The following OSBP2 variants were observed in gnomAD, a reference collection of about 807,000 sequenced individuals.
OSBP2 encodes the protein oxysterol-binding protein 2.
Under a neutral mutation model 96.0 loss-of-function variants are expected in OSBP2, and 66 were observed. The ratio of observed to expected loss-of-function variants is 0.69; its 90% confidence interval spans 0.56 to 0.84. The LOEUF (loss-of-function observed/expected upper bound fraction) is 0.84, where lower values mean the gene tolerates loss of function less well. Among genes scored for constraint, OSBP2 ranks in the 40% least tolerant of loss-of-function variants. The probability of loss-of-function intolerance (pLI) is 0.00; values close to 1 mark genes in which losing one functional copy is unlikely to be tolerated. For synonymous variants in OSBP2, 525 were observed against 520.9 expected (o/e 1.01, Z -0.11); for missense variants, 1,038 against 1,222.7 (o/e 0.85, Z 2.25).
intron 2 of OSBP2, among the ~76,000 whole-genome samples, chr22:30,808,430 T>A (rs2090960626): frequency 6.6e-6 from 1 of 151,984 alleles, no homozygotes. Context: ...ACACTTGAGC[T>A]CAGGAGGTGA....
chr22:30,881,613 C>A lies in OSBP2; in HGVS notation c.1108-5813C>A. On this transcript the variant is annotated intron_variant, in intron 3 of 13. Transcript: ENST00000332585. The surrounding 1 kb of genome is among the most constrained non-coding windows in gnomAD (Gnocchi z 4.5). Reference sequence around the variant, plus strand: ...TCCCTGGGCCCCTGGGAACCTCCCCCTGCCAGTCCCTCTGCCGGGCCCCAA... The same window carrying A: ...TCCCTGGGCCCCTGGGAACCTCCCCATGCCAGTCCCTCTGCCGGGCCCCAA... 5 of 1,284,682 alleles carry A rather than the reference C, an allele frequency of 3.9e-6. No individual in the cohort carries two copies. The East Asian group carries it at 1.7e-4, about 44-fold the overall frequency. The allele number at this position is 1,284,682 out of a possible 1,614,324, so 79.6% of individuals were successfully genotyped here.
chr22:30,802,766 G>C (rs1464581847), intron 2 of OSBP2, among the ~76,000 whole-genome samples: 1 of 152,256 alleles, frequency 6.6e-6, no homozygotes. Context: ...TCCGAGCAGT[G>C]CTCCAGGGGG....
At chr22:30,896,498 CTG>C (rs1474469215) in intron 12 of OSBP2, among the ~76,000 whole-genome samples, 2 of 151,996 alleles carry the variant, frequency 1.3e-5, no homozygotes, top group African/African-American at 2.4e-5. Context: ...ATTTATAAGA[CTG>C]TTAAAATGGT....
At chr22:30,723,059 G>A (rs2089579951) in intron 1 of OSBP2, among the ~76,000 whole-genome samples, 2 of 151,954 alleles carry the variant, frequency 1.3e-5, no homozygotes, top group Admixed American at 6.6e-5. Context: ...GTGTTGCTGG[G>A]ATTACAGGCA....
intron 1 of OSBP2, among the ~76,000 whole-genome samples, chr22:30,740,519 A>T (rs909067360): frequency 1.3e-5 from 2 of 152,216 alleles, no homozygotes; most frequent in African/African-American, 4.8e-5. Flanking sequence ...TCTTTGTTTA[A>T]ACTATAAACT....
In OSBP2 at chr22:30,700,775, T is replaced by G. The variant is rs148965665; in HGVS notation, c.644+5222T>G. ...AGGTCTATAAGGTAGATAGCTGCAG[T>G]CAAGTGAGAACAAATTTTGAAAGTC... On this transcript the variant is annotated intron_variant, in intron 1 of 13. Transcript: ENST00000332585. Among the ~76,000 whole-genome samples, 607 of 152,048 alleles carry G rather than the reference T, an allele frequency of 4.0e-3. 5 individuals are homozygous for G. Among genetic ancestry groups the G allele is most frequent in the African/African-American group, 0.014 (588 of 41,484 alleles).
Position 30,695,268 on chromosome 22 carries a change from C to T in OSBP2, c.359C>T (p.Thr120Ile). Reference protein sequence around the residue: ...SSSGVGAGPFTKAASEPLSRA... With the variant: ...SSSGVGAGPFIKAASEPLSRA... ...TCAGGTGTAGGGGCTGGGCCCTTCACTAAGGCCGCATCGGAGCCGCTCTCC... is the reference window on the plus strand; with the variant it reads ...TCAGGTGTAGGGGCTGGGCCCTTCATTAAGGCCGCATCGGAGCCGCTCTCC... The change falls in exon 1 of 14, where the codon ACT becomes ATT. Residue 120 changes from threonine to isoleucine, a missense_variant. Physicochemically the swap from Thr to Ile is moderately conservative, Grantham distance 89. Transcript: ENST00000332585. 6.2e-7 allele frequency: 1 copy of T among 1,613,456 alleles called. No individual in the cohort carries two copies. The highest frequency in any genetic ancestry group is 2.2e-5 in the East Asian group (1 of 44,864).
intron 2 of OSBP2, among the ~76,000 whole-genome samples, chr22:30,757,708 G>A (rs2090158968): frequency 1.3e-5 from 2 of 152,048 alleles, no homozygotes; most frequent in Admixed American, 1.3e-4. Context: ...ATGAGCCACT[G>A]CACCCAGCCT....
intron 2 of OSBP2, among the ~76,000 whole-genome samples, chr22:30,857,931 CAG>C (rs1315465913): frequency 1.3e-5 from 2 of 152,192 alleles, no homozygotes; most frequent in Admixed American, 6.5e-5. Flanking sequence ...CCCAGCCTGT[CAG>C]TAAATGTCGC....
intron 3 of OSBP2, among the ~76,000 whole-genome samples, chr22:30,887,076 C>G (rs940444180): frequency 6.6e-6 from 1 of 152,130 alleles, no homozygotes; most frequent in Non-Finnish European, 1.5e-5. Flanking sequence ...CCTTTTTAGA[C>G]CATAGAGGAT....
chr22:30,732,851 C>G (rs2089799659), intron 1 of OSBP2, among the ~76,000 whole-genome samples: 1 of 152,202 alleles, frequency 6.6e-6, no homozygotes, highest in Admixed American at 6.5e-5. Flanking sequence ...GGCTCGCTGC[C>G]CCCTAGTGCA....
chr22:30,829,003 G>A (rs115970215), intron 2 of OSBP2, among the ~76,000 whole-genome samples: 10 of 152,132 alleles, frequency 6.6e-5, no homozygotes, highest in East Asian at 5.8e-4. Flanking sequence ...AGCCCTGTGC[G>A]CTTGTGGCTG....
chr22:30,846,811 T>C (rs1271627180), intron 2 of OSBP2, among the ~76,000 whole-genome samples: 1 of 152,212 alleles, frequency 6.6e-6, no homozygotes, highest in African/African-American at 2.4e-5. Flanking sequence ...TTAATATGTG[T>C]TATACTTTTT....
chr22:30,885,924 G>A (rs1003136363), intron 3 of OSBP2, among the ~76,000 whole-genome samples: 4 of 152,372 alleles, frequency 2.6e-5, no homozygotes, highest in African/African-American at 9.6e-5. Context: ...CTCTGAGAAG[G>A]CCAGGGTTCC....
intron 12 of OSBP2, among the ~76,000 whole-genome samples, chr22:30,903,295 G>A (rs538272578): frequency 6.6e-6 from 1 of 152,224 alleles, no homozygotes; most frequent in African/African-American, 2.4e-5. Flanking sequence ...ACTGCACCTT[G>A]TTGGTATTCA....
At chr22:30,782,883 G>C (rs959979237) in intron 2 of OSBP2, among the ~76,000 whole-genome samples, 1 of 152,154 alleles carries the variant, frequency 6.6e-6, no homozygotes, top group Non-Finnish European at 1.5e-5. Flanking sequence ...CCCATAAGCA[G>C]TGTGACAATG....
intron 12 of OSBP2, chr22:30,902,708 T>C (rs1402999737): frequency 2.0e-6 from 1 of 502,336 alleles, no homozygotes; most frequent in Non-Finnish European, 3.8e-6. Flanking sequence ...CTCAATGAAG[T>C]AGCCGATCCC....
rs996770794 is a variant in OSBP2 at position 30,871,648 on chromosome 22, G to A, written c.1107+966G>A. 6.6e-6 allele frequency among the ~76,000 whole-genome samples: 1 copy of A among 151,766 alleles called. No homozygotes were observed. The highest frequency in any genetic ancestry group is 6.6e-5 in the Admixed American group (1 of 15,208). Reference sequence around the variant, plus strand: ...GACAGTGGGCAGTGCTGGTGCCTGGGTGACCTCCAGCTGGGGGACCCAGCC... The same window carrying A: ...GACAGTGGGCAGTGCTGGTGCCTGGATGACCTCCAGCTGGGGGACCCAGCC... On this transcript the variant is annotated intron_variant, in intron 3 of 13. Transcript: ENST00000332585. The surrounding 1 kb of genome is among the most constrained non-coding windows in gnomAD (Gnocchi z 4.7).
chr22:30,781,142 A>ATTT (rs136305), intron 2 of OSBP2, among the ~76,000 whole-genome samples: 2 of 133,682 alleles, frequency 1.5e-5, no homozygotes, highest in African/African-American at 2.8e-5. Context: ...TGCCTGGCTA[A>ATTT]TTTTTTTTTT....
Sources: gnomAD v4.1 joint callset for allele counts (sites outside exome capture counted in the v4.1 genomes callset) on GRCh38, gnomAD v4.1.1 for gene constraint, Gnocchi (gnomAD v3.1) non-coding constraint, MANE v1.5 for transcripts, NCBI Gene and HGNC (gene_info 2026-07-23, HGNC 2026-07-21) for gene names.